TLK2: variants seen among roughly 807,000 people sequenced by gnomAD.
The protein encoded by TLK2 is tousled like kinase 2, also known as serine/threonine-protein kinase tousled-like 2.
Under a neutral mutation model 117.3 loss-of-function variants are expected in TLK2, and 6 were observed. The ratio of observed to expected loss-of-function variants is 0.05; its 90% CI spans 0.03 to 0.10. The LOEUF is 0.10. Ranked by LOEUF, TLK2 falls within the 10% of genes least tolerant of loss-of-function variation. The pLI is 1.00. For synonymous variants in TLK2, 257 were observed against 316.7 expected (o/e 0.81, Z 2.00); for missense variants, 299 against 901.2 (o/e 0.33, Z 8.56).
intron 11 of TLK2, among the ~76,000 whole-genome samples, chr17:62,567,871 A>C (rs1313040275): frequency 6.6e-6 from 1 of 152,104 alleles, no homozygotes; most frequent in Non-Finnish European, 1.5e-5. Context: ...TTAATTTCCT[A>C]AAACAGAAGA....
intron 19 of TLK2, among the ~76,000 whole-genome samples, chr17:62,604,782 G>T (rs762620050): frequency 6.6e-6 from 1 of 151,520 alleles, no homozygotes; most frequent in Non-Finnish European, 1.5e-5. Context: ...GGTGGTGCAC[G>T]CCTGAAATCC....
chr17:62,554,903 C>G (rs1468180451), intron 9 of TLK2, among the ~76,000 whole-genome samples: 3 of 151,192 alleles, frequency 2.0e-5, no homozygotes, highest in Admixed American at 6.6e-5. Context: ...TATACATGCT[C>G]TTTACAAAAT....
At chr17:62,499,067 G>T (rs1353610669) in intron 2 of TLK2, among the ~76,000 whole-genome samples, 2 of 151,912 alleles carry the variant, frequency 1.3e-5, no homozygotes, top group Non-Finnish European at 2.9e-5. Flanking sequence ...TTGGCCAGGC[G>T]CAGTGACTCA....
intron 1 of TLK2, among the ~76,000 whole-genome samples, chr17:62,473,337 G>C (rs112536800): frequency 6.6e-6 from 1 of 152,158 alleles, no homozygotes; most frequent in African/African-American, 2.4e-5. Flanking sequence ...AATGAATGGG[G>C]AGCAAATTGC....
At chr17:62,546,475 T>A (rs12450263) in intron 7 of TLK2, among the ~76,000 whole-genome samples, 1 of 148,794 alleles carries the variant, frequency 6.7e-6, no homozygotes, top group African/African-American at 2.5e-5. Flanking sequence ...AGGGTCTCTG[T>A]GCTATTCATG....
chr17:62,571,435 G>C (rs556709302), intron 11 of TLK2, among the ~76,000 whole-genome samples: 2 of 150,082 alleles, frequency 1.3e-5, no homozygotes, highest in African/African-American at 2.4e-5. Flanking sequence ...TTTTTTTTTC[G>C]TGTATTTTCA....
At chr17:62,557,013 C>T (rs2078910931) in intron 9 of TLK2, among the ~76,000 whole-genome samples, 2 of 152,238 alleles carry the variant, frequency 1.3e-5, no homozygotes, top group South Asian at 4.1e-4. Context: ...CAGCCTTCAT[C>T]TCCCAGGCTC....
chr17:62,591,663 C>A (rs2082093563), intron 16 of TLK2, among the ~76,000 whole-genome samples: 1 of 152,142 alleles, frequency 6.6e-6, no homozygotes, highest in Non-Finnish European at 1.5e-5. Flanking sequence ...GAAACTAAGC[C>A]CAAATAGTTT....
At chr17:62,507,026 A>T (rs530649026) in intron 2 of TLK2, among the ~76,000 whole-genome samples, 2 of 152,334 alleles carry the variant, frequency 1.3e-5, no homozygotes, top group South Asian at 4.1e-4. Flanking sequence ...GTAGATGTTG[A>T]TACATACAGA....
At chr17:62,472,328 G>A (rs1206661948) in intron 1 of TLK2, among the ~76,000 whole-genome samples, 2 of 152,168 alleles carry the variant, frequency 1.3e-5, no homozygotes, top group East Asian at 1.9e-4. Context: ...AGTAAGCAGC[G>A]CCTGTCTGTG....
chr17:62,517,440 G>C (rs533651207), intron 2 of TLK2, among the ~76,000 whole-genome samples: 50 of 152,156 alleles, frequency 3.3e-4, no homozygotes, highest in African/African-American at 1.2e-3. Context: ...TGTTGCCCAG[G>C]CTGGAGTGCA....
chr17:62,535,651 C>A (rs369754302), intron 6 of TLK2, among the ~76,000 whole-genome samples: 2 of 152,012 alleles, frequency 1.3e-5, no homozygotes, highest in Admixed American at 6.6e-5. Flanking sequence ...CACCTGTAAT[C>A]CCAGCTACTT....
intron 2 of TLK2, among the ~76,000 whole-genome samples, chr17:62,505,394 C>T (rs1395469455): frequency 1.6e-5 from 2 of 123,160 alleles, no homozygotes; most frequent in African/African-American, 3.4e-5. Context: ...CAGTCATGCA[C>T]TACCATACCC....
chr17:62,598,139 A>C (rs888947299), intron 17 of TLK2, among the ~76,000 whole-genome samples: 1 of 152,142 alleles, frequency 6.6e-6, no homozygotes, highest in East Asian at 1.9e-4. Context: ...TTTCACGTGG[A>C]GTGGAATTTT....
intron 19 of TLK2, among the ~76,000 whole-genome samples, chr17:62,605,410 ACT>A (rs1288605819): frequency 6.6e-6 from 1 of 151,768 alleles, no homozygotes; most frequent in Non-Finnish European, 1.5e-5. Context: ...TGGGGGTCTC[ACT>A]CTCTTGCTGG....
chr17:62,515,502 G>A (rs2075505912), intron 2 of TLK2, among the ~76,000 whole-genome samples: 1 of 152,142 alleles, frequency 6.6e-6, no homozygotes, highest in East Asian at 1.9e-4. Flanking sequence ...AGGGTTGGTT[G>A]GTTTTTTGTT....
chr17:62,513,887 C>A (rs1230613268), intron 2 of TLK2, among the ~76,000 whole-genome samples: 1 of 151,952 alleles, frequency 6.6e-6, no homozygotes, highest in Non-Finnish European at 1.5e-5. Context: ...CAGAGTTTCA[C>A]CATCTTGGCC....
chr17:62,484,930 G>T (rs1256317902), intron 2 of TLK2, among the ~76,000 whole-genome samples: 1 of 152,114 alleles, frequency 6.6e-6, no homozygotes, highest in Non-Finnish European at 1.5e-5. Flanking sequence ...GGTGGTGGGT[G>T]CCTGTAATCC....
intron 16 of TLK2, among the ~76,000 whole-genome samples, chr17:62,586,784 G>A (rs576630714): frequency 2.6e-5 from 4 of 151,616 alleles, no homozygotes; most frequent in African/African-American, 7.3e-5. Flanking sequence ...TCACGTCACT[G>A]CACTCCAGCC....
Sources: allele counts gnomAD v4.1 joint callset (sites outside exome capture counted in the v4.1 genomes callset), GRCh38; gene constraint gnomAD v4.1.1; transcripts MANE v1.5; gene names NCBI Gene and HGNC (gene_info 2026-07-23, HGNC 2026-07-21).